The following PCNX1 variants were observed in gnomAD, a reference collection of about 807,000 sequenced individuals.
PCNX1 encodes the protein pecanex-like protein 1.
Under a neutral mutation model 242.2 loss-of-function variants are expected in PCNX1, and 78 were observed. That is an observed-to-expected ratio of 0.32 (90% CI 0.27 to 0.39). The LOEUF (loss-of-function observed/expected upper bound fraction) is 0.39, where lower values mean the gene tolerates loss of function less well. Among genes scored for constraint, PCNX1 ranks in the 10% least tolerant of loss-of-function variants. The pLI is 1.00. For synonymous variants in PCNX1, 1,024 were observed against 1,032.9 expected (o/e 0.99, Z 0.17); for missense variants, 2,581 against 2,856.5 (o/e 0.90, Z 2.20).
rs959019969 is a variant in PCNX1 at position 71,012,780 on chromosome 14, C to T, written c.2779-205C>T. ...CGGGGAGGCAGAGGTTGCAGTGAGC[C>T]GAGATTGCACCACTGTACTTCAGAC... is the stretch of plus-strand genomic sequence containing the variant. On this transcript the variant is annotated intron_variant, in intron 10 of 35. Coordinates refer to ENST00000304743, the MANE Select transcript of PCNX1 (RefSeq NM_014982.3). 4 of 484,118 alleles carry T rather than the reference C, an allele frequency of 8.3e-6. No homozygotes were observed. In the African/African-American group the frequency reaches 8.5e-5, roughly 10 times the overall value. 30.0% of individuals were successfully genotyped at this position (484,118 alleles called of 1,614,324 possible).
chr14:70,941,411 G>C (rs942374643), intron 1 of PCNX1, among the ~76,000 whole-genome samples: 2 of 152,190 alleles, frequency 1.3e-5, no homozygotes, highest in African/African-American at 4.8e-5. Context: ...GACCCTGTTT[G>C]CCTGGATATC....
chr14:70,911,179 G>C (rs1218074767), intron 1 of PCNX1, among the ~76,000 whole-genome samples: 1 of 152,090 alleles, frequency 6.6e-6, no homozygotes, highest in African/African-American at 2.4e-5. Context: ...CTTTAACCCC[G>C]TGACCTCATG....
At chr14:70,913,823 TG>T (rs2056034017) in intron 1 of PCNX1, among the ~76,000 whole-genome samples, 1 of 152,354 alleles carries the variant, frequency 6.6e-6, no homozygotes, top group African/African-American at 2.4e-5. Flanking sequence ...GAAAAGTTAC[TG>T]TGCTATAAAT....
At chr14:71,060,690 C>A (rs1343560600) in intron 26 of PCNX1, 1 of 152,024 alleles carries the variant, frequency 6.6e-6, no homozygotes, top group Non-Finnish European at 1.5e-5. Context: ...AGAACAAGAA[C>A]AAAGTGACAG....
chr14:70,975,612 G>A (rs1351069799), intron 5 of PCNX1, among the ~76,000 whole-genome samples: 1 of 151,946 alleles, frequency 6.6e-6, no homozygotes, highest in African/African-American at 2.4e-5. Flanking sequence ...ATTTTACTTT[G>A]TCTATCCAGC....
At chr14:70,978,740 A>C in intron 6 of PCNX1, 92 bp downstream of exon 6, 2 of 1,096,314 alleles carry the variant, frequency 1.8e-6, no homozygotes, top group South Asian at 3.4e-5. Context: ...GCTTCTGTTA[A>C]TATTCCCCCT....
intron 8 of PCNX1, among the ~76,000 whole-genome samples, chr14:71,001,797 A>C (rs2059513342): frequency 6.6e-6 from 1 of 152,222 alleles, no homozygotes; most frequent in Admixed American, 6.5e-5. Flanking sequence ...TCTCATGAGA[A>C]CCATTGGGAG....
intron 7 of PCNX1, among the ~76,000 whole-genome samples, chr14:70,990,433 A>T (rs1237926129): frequency 6.6e-6 from 1 of 151,680 alleles, no homozygotes; most frequent in African/African-American, 2.4e-5. Context: ...GCCTGGTGGT[A>T]CGCACCTGTA....
intron 2 of PCNX1, among the ~76,000 whole-genome samples, chr14:70,948,755 G>A (rs961630966): frequency 7.1e-5 from 10 of 140,052 alleles, no homozygotes; most frequent in Non-Finnish European, 7.9e-5. Flanking sequence ...GTACATATAT[G>A]TACATATACA....
At chr14:70,967,535 G>GCT (rs1566633558) in intron 3 of PCNX1, among the ~76,000 whole-genome samples, 1 of 152,128 alleles carries the variant, frequency 6.6e-6, no homozygotes, top group Non-Finnish European at 1.5e-5. Context: ...AAATTTTAGG[G>GCT]AAGTGTTAAA....
chr14:71,039,973 C>G (rs2060658217), intron 19 of PCNX1, among the ~76,000 whole-genome samples: 1 of 151,870 alleles, frequency 6.6e-6, no homozygotes, highest in East Asian at 1.9e-4. Context: ...GAAAGATTTC[C>G]TAGGACATTT....
At chr14:71,051,062 G>C (rs2061014471) in intron 23 of PCNX1, among the ~76,000 whole-genome samples, 1 of 151,276 alleles carries the variant, frequency 6.6e-6, no homozygotes, top group African/African-American at 2.4e-5. Context: ...CAGCTACCCG[G>C]GAGGCTGAGG....
chr14:71,019,242 A>G lies in PCNX1; in HGVS notation c.3150+80A>G, dbSNP rs144242765. The stretch of plus-strand genomic sequence containing the variant: ...AGGATTTTGTAGCAATTACTGAATT[A>G]TAGTAAGATAATTATTTTTAGGCTT... On this transcript the variant is annotated intron_variant, in intron 12 of 35. Coordinates refer to ENST00000304743, the MANE Select transcript of PCNX1 (RefSeq NM_014982.3). The G allele has an allele frequency of 8.4e-3, 8,985 of 1,073,838 alleles. 47 individuals carry two copies. The highest frequency in any genetic ancestry group is 0.017 in the South Asian group (904 of 54,298). The allele number at this position is 1,073,838 out of a possible 1,614,324, so 66.5% of individuals were successfully genotyped here.
chr14:70,984,644 C>T (rs995108981), intron 6 of PCNX1, among the ~76,000 whole-genome samples: 2 of 152,040 alleles, frequency 1.3e-5, no homozygotes, highest in African/African-American at 4.8e-5. Context: ...GCTCGGCCTC[C>T]CAAAGTGCTG....
intron 8 of PCNX1, among the ~76,000 whole-genome samples, chr14:71,004,841 A>C (rs2059608519): frequency 6.6e-6 from 1 of 152,222 alleles, no homozygotes; most frequent in Admixed American, 6.5e-5. Flanking sequence ...TTCTTGAATA[A>C]CATTTCTATT....
Position 71,110,251 on chromosome 14 carries a change from A to C in PCNX1, c.*316A>C, listed in dbSNP as rs1434282780. 2.8e-6 allele frequency: 1 copy of C among 354,482 alleles called. No individual in the cohort carries two copies. Among genetic ancestry groups the C allele is most frequent in the Non-Finnish European group, 5.4e-6 (1 of 185,562 alleles). The allele number at this position is 354,482 out of a possible 1,614,324, so 22.0% of individuals were successfully genotyped here. A position where few individuals can be genotyped will look rare whatever the true frequency, so the allele number is the denominator to read the frequency against. On this transcript the variant is annotated 3_prime_UTR_variant, in exon 36 of 36. Transcript: ENST00000304743. ...TGCATTGCCTATGCTTTAAATCAAC[A>C]AACTCTTCATTTCTAAACTATGATC...
At chr14:70,957,798 ATG>A (rs1015657775) in intron 2 of PCNX1, among the ~76,000 whole-genome samples, 3 of 150,838 alleles carry the variant, frequency 2.0e-5, no homozygotes, top group African/African-American at 7.4e-5. Context: ...AAGTTGACAT[ATG>A]TGTATGTATA....
At chr14:71,032,924 C>T (rs1409461077) in intron 16 of PCNX1, among the ~76,000 whole-genome samples, 1 of 152,188 alleles carries the variant, frequency 6.6e-6, no homozygotes, top group Non-Finnish European at 1.5e-5. Context: ...AATGCCTGCT[C>T]AGTGCTGTGG....
At chr14:71,026,072 C>T in intron 13 of PCNX1, 45 bp from the exon 14 acceptor site, 1 of 1,302,126 alleles carries the variant, frequency 7.7e-7, no homozygotes, top group Non-Finnish European at 1.1e-6. Context: ...TTATTTGTGA[C>T]TCTTAAAATT....
Sources: gnomAD v4.1 joint callset for allele counts (sites outside exome capture counted in the v4.1 genomes callset) on GRCh38, gnomAD v4.1.1 for gene constraint, MANE v1.5 for transcripts, NCBI Gene and HGNC (gene_info 2026-07-23, HGNC 2026-07-21) for gene names.